The following SAMD4A variants were observed in gnomAD, a reference collection of about 807,000 sequenced individuals.
SAMD4A encodes the protein protein Smaug homolog 1.
In SAMD4A, 33 loss-of-function variants were observed where a neutral mutation model predicts 81.3. The observed-to-expected ratio is 0.41, with a 90% CI of 0.31 to 0.54. The LOEUF is 0.54. SAMD4A is among the 20% of genes least tolerant of loss of function. The pLI is 0.37. For synonymous variants in SAMD4A, 389 were observed against 382.1 expected (o/e 1.02, Z -0.21); for missense variants, 854 against 951.1 (o/e 0.90, Z 1.34).
At chr14:54,685,281 C>CCT (rs368449270) in intron 2 of SAMD4A, among the ~76,000 whole-genome samples, 11 of 134,418 alleles carry the variant, frequency 8.2e-5, no homozygotes, top group Non-Finnish European at 1.9e-4. Flanking sequence ...CCTGCCCCCC[C>CCT]CCCCAGCTCC....
chr14:54,603,874 G>C lies in SAMD4A; in HGVS notation c.196+35762G>C, dbSNP rs1280510052. Among the ~76,000 whole-genome samples the C allele has an allele frequency of 4.0e-5, 6 of 151,834 alleles. No homozygotes were observed. The East Asian group carries it at 1.2e-3, about 29-fold the overall frequency. On this transcript the variant is annotated intron_variant, in intron 2 of 12. Coordinates refer to ENST00000554335, the MANE Select transcript of SAMD4A (RefSeq NM_015589.6). ...GAGTCCTCGCTCTGTCTCCAGGCTG[G>C]AGTGCAGTGGCACGATCTTGGCTGA...
intron 3 of SAMD4A, among the ~76,000 whole-genome samples, chr14:54,722,720 T>C (rs971248880): frequency 6.6e-6 from 1 of 152,184 alleles, no homozygotes; most frequent in Non-Finnish European, 1.5e-5. Flanking sequence ...GTATTTAATG[T>C]TTCTTCCTGT....
At chr14:54,774,256 G>A (rs562526118) in intron 9 of SAMD4A, among the ~76,000 whole-genome samples, 1 of 152,248 alleles carries the variant, frequency 6.6e-6, no homozygotes, top group Non-Finnish European at 1.5e-5. Context: ...CTACAAAGGA[G>A]AGAGCACCTA....
intron 11 of SAMD4A, among the ~76,000 whole-genome samples, chr14:54,780,589 G>C (rs950690433): frequency 6.6e-6 from 1 of 152,282 alleles, no homozygotes; most frequent in South Asian, 2.1e-4. Flanking sequence ...CCCTGTTCAG[G>C]ACTGGCAGAC....
intron 3 of SAMD4A, among the ~76,000 whole-genome samples, chr14:54,724,595 T>C (rs956536328): frequency 5.9e-5 from 9 of 152,142 alleles, no homozygotes; most frequent in Non-Finnish European, 1.0e-4. Flanking sequence ...AGGTGGGTCT[T>C]TGGGTTGCAT....
chr14:54,759,499 C>T (rs942764911), intron 6 of SAMD4A, among the ~76,000 whole-genome samples: 3 of 152,226 alleles, frequency 2.0e-5, no homozygotes, highest in African/African-American at 7.2e-5. Context: ...AGCCCCGACC[C>T]GTACCACAGC....
chr14:54,772,826 C>CA (rs35278828), intron 9 of SAMD4A, among the ~76,000 whole-genome samples: 7,733 of 145,730 alleles, frequency 0.053, 251 homozygotes, highest in Non-Finnish European at 0.078. Context: ...AACAAACAAA[C>CA]AAAAAAAAAA....
chr14:54,637,533 G>A (rs571754318), intron 2 of SAMD4A, among the ~76,000 whole-genome samples: 27 of 152,200 alleles, frequency 1.8e-4, no homozygotes, highest in African/African-American at 6.3e-4. Flanking sequence ...CATCTGAGAG[G>A]CCAAGCAAGA....
At chr14:54,597,630 C>T (rs185163023) in intron 2 of SAMD4A, among the ~76,000 whole-genome samples, 1 of 137,350 alleles carries the variant, frequency 7.3e-6, no homozygotes, top group East Asian at 2.4e-4. Flanking sequence ...CACCCTGTTG[C>T]CCAGGCTGGA....
chr14:54,601,880 TAC>T (rs779561526), intron 2 of SAMD4A, among the ~76,000 whole-genome samples: 23 of 152,314 alleles, frequency 1.5e-4, no homozygotes, highest in Non-Finnish European at 2.5e-4. Flanking sequence ...GTTGTAAAAC[TAC>T]AGTCTGGCTA....
intron 2 of SAMD4A, among the ~76,000 whole-genome samples, chr14:54,614,916 A>C (rs533716118): frequency 6.6e-6 from 1 of 152,316 alleles, no homozygotes; most frequent in East Asian, 1.9e-4. Context: ...GGTTCTTTTG[A>C]GTTCAGCTCA....
At chr14:54,732,407 G>A (rs547412895) in intron 3 of SAMD4A, among the ~76,000 whole-genome samples, 1 of 152,176 alleles carries the variant, frequency 6.6e-6, no homozygotes, top group South Asian at 2.1e-4. Context: ...GAGACCCACA[G>A]CTCCCAGATT....
At chr14:54,759,134 C>T (rs2038323625) in intron 6 of SAMD4A, among the ~76,000 whole-genome samples, 2 of 152,164 alleles carry the variant, frequency 1.3e-5, no homozygotes, top group African/African-American at 2.4e-5. Context: ...TTTTATTATA[C>T]AACACATAAA....
chr14:54,698,816 A>G (rs988168285), intron 2 of SAMD4A, among the ~76,000 whole-genome samples: 1 of 152,176 alleles, frequency 6.6e-6, no homozygotes, highest in Non-Finnish European at 1.5e-5. Flanking sequence ...CCTCTTTGCT[A>G]TGCTTGTTCC....
At chr14:54,634,733 CTGTCTGT>C (rs2140353078) in intron 2 of SAMD4A, among the ~76,000 whole-genome samples, 1 of 141,756 alleles carries the variant, frequency 7.1e-6, no homozygotes, top group East Asian at 2.0e-4. Flanking sequence ...GTCTGTCTGT[CTGTCTGT>C]CTGTCTGTCT....
intron 2 of SAMD4A, among the ~76,000 whole-genome samples, chr14:54,698,075 G>A (rs1206601643): frequency 6.6e-6 from 1 of 152,144 alleles, no homozygotes; most frequent in African/African-American, 2.4e-5. Flanking sequence ...GTGACTCACT[G>A]AATCCAACCT....
intron 2 of SAMD4A, among the ~76,000 whole-genome samples, chr14:54,660,067 G>C (rs570822702): frequency 1.3e-5 from 2 of 151,608 alleles, no homozygotes; most frequent in South Asian, 4.2e-4. Context: ...GCAACAGAGC[G>C]AGACTCCGTC....
intron 2 of SAMD4A, among the ~76,000 whole-genome samples, chr14:54,619,135 G>A (rs1232474830): frequency 6.6e-6 from 1 of 152,078 alleles, no homozygotes; most frequent in African/African-American, 2.4e-5. Context: ...ACTGTAAGTG[G>A]GAAAATTGCT....
chr14:54,652,709 T>G (rs1281106013), intron 2 of SAMD4A: 1 of 152,090 alleles, frequency 6.6e-6, no homozygotes, highest in African/African-American at 2.4e-5. Flanking sequence ...TGCGTACAGA[T>G]GGGCTGCATC....
Sources: gnomAD v4.1 joint callset for allele counts (sites outside exome capture counted in the v4.1 genomes callset) on GRCh38, gnomAD v4.1.1 for gene constraint, MANE v1.5 for transcripts, NCBI Gene and HGNC (gene_info 2026-07-23, HGNC 2026-07-21) for gene names.